ZNF592: variants seen among roughly 807,000 people sequenced by gnomAD.
ZNF592 encodes the protein spinocerebellar ataxia, autosomal recessive 5.
Under a neutral mutation model 80.3 loss-of-function variants are expected in ZNF592, and 11 were observed. That is an observed-to-expected ratio of 0.14 (90% confidence interval 0.09 to 0.23). The LOEUF (loss-of-function observed/expected upper bound fraction) is 0.23, where lower values mean the gene tolerates loss of function less well. ZNF592 is among the 10% of genes least tolerant of loss of function. The probability of loss-of-function intolerance (pLI) is 1.00; values close to 1 mark genes in which losing one functional copy is unlikely to be tolerated. For synonymous variants in ZNF592, 646 were observed against 640.3 expected, an observed-to-expected ratio of 1.01 and a Z score of -0.13; for missense variants, 1,420 against 1,633.9, an observed-to-expected ratio of 0.87 and a Z score of 2.26.
intron 2 of ZNF592, among the ~76,000 whole-genome samples, chr15:84,774,325 T>C (rs1337583698): frequency 6.6e-6 from 1 of 152,252 alleles, no homozygotes; most frequent in Non-Finnish European, 1.5e-5. Context: ...TTCATGAAAC[T>C]TACATCCTAA....
At chr15:84,751,264 G>A (rs1324002544) in intron 1 of ZNF592, among the ~76,000 whole-genome samples, 1 of 152,196 alleles carries the variant, frequency 6.6e-6, no homozygotes, top group Admixed American at 6.5e-5. Flanking sequence ...AGAAAAAGAG[G>A]TTATCATACC....
Position 84,798,332 on chromosome 15 carries a change from C to G in ZNF592, c.2594C>G (p.Ser865Cys). Residue 865 changes from serine to cysteine, a missense_variant, in exon 7 of 11, where the codon TCC (serine) becomes TGC (cysteine). By Grantham distance (112) the Ser-to-Cys change is moderately radical. Coordinates refer to ENST00000560079, the MANE Select transcript of ZNF592 (RefSeq NM_014630.3). The surrounding 1 kb of genome is among the most constrained non-coding windows in gnomAD (Gnocchi z 4.5). ...HRPSQLIYKC[S>C]CEMVFNKKRH... ...CTCATCAGGCTCATTTATAAGTGCT[C>G]CTGTGAAATGGTCTTCAACAAGAAG... 6.2e-7 allele frequency: 1 copy of G among 1,614,194 alleles called. No individual in the cohort carries two copies. The highest frequency in any genetic ancestry group is 8.5e-7 in the Non-Finnish European group (1 of 1,180,034).
chr15:84,768,230 C>CTTTTTTTTTTTTTTTTTTTTTTT (rs995969490), intron 2 of ZNF592, among the ~76,000 whole-genome samples: 1 of 122,340 alleles, frequency 8.2e-6, no homozygotes, highest in Non-Finnish European at 1.7e-5. Flanking sequence ...TTCTTTCTTT[C>CTTTTTTTTTTTTTTTTTTTTTTT]TTTTTTTTTT....
Position 84,798,612 on chromosome 15 carries a change from G to A in ZNF592, c.2761G>A (p.Val921Met). 1 of 1,614,094 alleles carries A rather than the reference G, an allele frequency of 6.2e-7. No individual in the cohort carries two copies. The highest frequency in any genetic ancestry group is 8.5e-7 in the Non-Finnish European group (1 of 1,180,008). ...GAGCACCCACGGTGTTCCCCGAAAT[G>A]TGGACGAGCTGTCAAGCCTCCAGTC... ...VKSTHGVPRN[V>M]DELSSLQSSA... The change falls in exon 8 of 11, where the codon GTG becomes ATG. Residue 921 changes from valine to methionine, a missense_variant. Around this residue, in one of 7 missense-constraint regions of ZNF592, gnomAD observed 331 missense variants for 347.0 expected, o/e 0.95. Coordinates refer to ENST00000560079, the MANE Select transcript of ZNF592 (RefSeq NM_014630.3). This position sits in a 1 kb window ranked among gnomAD's most constrained non-coding sequence, Gnocchi z 4.5.
intron 2 of ZNF592, among the ~76,000 whole-genome samples, chr15:84,767,867 G>GTTTCT (rs550879575): frequency 4.0e-5 from 6 of 150,580 alleles, no homozygotes; most frequent in African/African-American, 7.3e-5. Context: ...TTTTTTATTT[G>GTTTCT]TTTCTTTTCT....
At chr15:84,795,573 C>T (rs2038545027) in intron 5 of ZNF592, among the ~76,000 whole-genome samples, 2 of 152,204 alleles carry the variant, frequency 1.3e-5, no homozygotes, top group Admixed American at 1.3e-4. Flanking sequence ...CAAATAAAGC[C>T]ACTTAAGAGA....
chr15:84,801,785 C>A (rs1323927329), intron 10 of ZNF592, 78 bp from the exon 11 acceptor site: 1 of 1,610,316 alleles, frequency 6.2e-7, no homozygotes, highest in African/African-American at 1.3e-5. Flanking sequence ...TTCTTTGAGT[C>A]CTTGGGCTCA....
At chr15:84,780,777 T>C (rs942706511) in intron 3 of ZNF592, among the ~76,000 whole-genome samples, 8 of 151,760 alleles carry the variant, frequency 5.3e-5, no homozygotes, top group Non-Finnish European at 1.0e-4. Flanking sequence ...GGTTTTGTTG[T>C]TGTTGTTGTT....
rs1197950179 is a variant in ZNF592, at chr15:84,784,583, C to G, written c.1908C>G (p.Ala636=). The G allele has an allele frequency of 6.2e-7, 1 of 1,614,218 alleles. No homozygotes were observed. Among genetic ancestry groups the G allele is most frequent in the South Asian group, 1.1e-5 (1 of 91,084 alleles). ...FFNKCSLLRH[A]RDHKSKGLVM... ...ACAAGTGCAGCCTGCTCCGGCACGC[C>G]CGTGACCACAAGAGCAAGGGGCTCG... The change falls in exon 4 of 11, where the codon GCC becomes GCG. Residue 636 remains alanine (A), a synonymous_variant. Transcript: ENST00000560079. The surrounding 1 kb of genome is among the most constrained non-coding windows in gnomAD (Gnocchi z 5.8).
In ZNF592 at chr15:84,802,256, G is replaced by A. The variant is rs192454943; in HGVS notation, c.3667G>A (p.Gly1223Ser). The A allele has an allele frequency of 1.2e-4, 190 of 1,606,104 alleles. No individual in the cohort carries two copies. The East Asian group carries it at 3.6e-3, about 30-fold the overall frequency. ...AGAGAATGGACTGGAAGAATGTGCC[G>A]GTGAGCCTTTGTCAGCTGACCCAGA... ...TRENGLEECA[G>S]EPLSADPEAR... Residue 1223 changes from glycine (G) to serine (S), a missense_variant, in exon 11 of 11, where the codon GGT (glycine) becomes AGT (serine). Physicochemically the swap from Gly to Ser is moderately conservative, Grantham distance 56. Around this residue, in one of 7 missense-constraint regions of ZNF592, gnomAD observed 145 missense variants for 211.9 expected, o/e 0.68. Coordinates refer to ENST00000560079, the MANE Select transcript of ZNF592 (RefSeq NM_014630.3).
intron 1 of ZNF592, among the ~76,000 whole-genome samples, chr15:84,760,993 C>T (rs1236734814): frequency 6.6e-6 from 1 of 151,312 alleles, no homozygotes; most frequent in Admixed American, 6.6e-5. Context: ...GACAGAGTTT[C>T]CCTCTTGTTG....
intron 1 of ZNF592, among the ~76,000 whole-genome samples, chr15:84,755,700 A>G (rs907721945): frequency 6.6e-6 from 1 of 152,214 alleles, no homozygotes; most frequent in African/African-American, 2.4e-5. Context: ...CAAGCATCCT[A>G]TAAGCCGAAT....
At position 84,783,860 on chromosome 15, in the gene ZNF592, G is replaced by A. The variant is rs369555995; in HGVS notation, c.1185G>A (p.Leu395=). 1 of 1,614,108 alleles carries A rather than the reference G, an allele frequency of 6.2e-7. No individual in the cohort carries two copies. Among genetic ancestry groups the A allele is most frequent in the Non-Finnish European group, 8.5e-7 (1 of 1,180,048 alleles). ...GEIKRTVTRI[L]PDPDDPSKSP... ...TCAAACGGACTGTCACAAGGATCCT[G>A]CCAGATCCTGATGATCCAAGTAAGT... Residue 395 remains leucine, a synonymous_variant, in exon 4 of 11, where the codon CTG becomes CTA. Coordinates refer to ENST00000560079, the MANE Select transcript of ZNF592 (RefSeq NM_014630.3). This position sits in a 1 kb window ranked among gnomAD's most constrained non-coding sequence, Gnocchi z 5.0.
intron 1 of ZNF592, among the ~76,000 whole-genome samples, chr15:84,751,853 T>C (rs575108133): frequency 6.6e-6 from 1 of 152,246 alleles, no homozygotes; most frequent in East Asian, 1.9e-4. Flanking sequence ...TGCAGTGAGC[T>C]AAGATTGAGC....
At position 84,798,067 on chromosome 15, in the gene ZNF592, G is replaced by A. The variant is rs1196142740; in HGVS notation, c.2576+22G>A. 4.3e-6 allele frequency: 7 copies of A among 1,612,688 alleles called. No homozygotes were observed. The South Asian group carries it at 4.4e-5, about 10-fold the overall frequency. On this transcript the variant is annotated intron_variant, in intron 6 of 10. Transcript: ENST00000560079. The surrounding 1 kb of genome is among the most constrained non-coding windows in gnomAD (Gnocchi z 4.5). ...CCCAGTGAGTGCAGCTCCAGGGCCAGCAGGCCCTGTGGAGCAGAGAGGAGT... is the reference window on the plus strand; with the variant it reads ...CCCAGTGAGTGCAGCTCCAGGGCCAACAGGCCCTGTGGAGCAGAGAGGAGT...
chr15:84,773,114 T>A lies in ZNF592; in HGVS notation c.-149-5069T>A, dbSNP rs141241791. Among the ~76,000 whole-genome samples the A allele has an allele frequency of 4.3e-3, 662 of 152,244 alleles. 14 individuals carry two copies. Among genetic ancestry groups the A allele is most frequent in the African/African-American group, 0.014 (594 of 41,552 alleles). On this transcript the variant is annotated intron_variant, in intron 2 of 10. Transcript: ENST00000560079. The stretch of plus-strand genomic sequence containing the variant: ...TGTGAATGTTACTACATTTATATAT[T>A]TTTTTAAAGTGATAATTCAGGATAT...
intron 3 of ZNF592, 46 bp from the exon 4 acceptor site, chr15:84,782,611 G>A (rs1962449734): frequency 6.3e-6 from 10 of 1,584,518 alleles, no homozygotes; most frequent in Non-Finnish European, 8.7e-6. Flanking sequence ...AGATGGTCCA[G>A]TGGGACCCTG....
Position 84,783,768 on chromosome 15 carries a change from G to T in ZNF592, c.1093G>T (p.Ala365Ser). 6.2e-7 allele frequency: 1 copy of T among 1,614,188 alleles called. No homozygotes were observed. The highest frequency in any genetic ancestry group is 1.3e-5 in the African/African-American group (1 of 75,056). The change falls in exon 4 of 11, where the codon GCT becomes TCT. Residue 365 changes from alanine to serine, a missense_variant. Coordinates refer to ENST00000560079, the MANE Select transcript of ZNF592 (RefSeq NM_014630.3). This position sits in a 1 kb window ranked among gnomAD's most constrained non-coding sequence, Gnocchi z 5.0. ...CAGCAGCAAAGGCTCACCGTCTGTG[G>T]CTGCCAGCTCCCCACCAGCAATTCC... ...DSSSKGSPSV[A>S]ASSPPAIPKV...
Position 84,783,174 on chromosome 15 carries a change from A to G in ZNF592, c.499A>G (p.Ser167Gly). ...GFGIKPKHSD[S>G]YFPPPLGCGA... is the part of the protein sequence containing the mutation. ...TGGGATAAAGCCCAAACACTCTGAC[A>G]GTTATTTCCCACCCCCTCTTGGGTG... is the stretch of plus-strand genomic sequence containing the variant. The change falls in exon 4 of 11, where the codon AGT becomes GGT. Residue 167 changes from serine (S) to glycine (G), a missense_variant. This residue lies in a region of ZNF592 where 373 missense variants were observed against 355.5 expected (regional missense o/e 1.05). Transcript: ENST00000560079. The surrounding 1 kb of genome is among the most constrained non-coding windows in gnomAD (Gnocchi z 5.0). The G allele has an allele frequency of 7.4e-6, 12 of 1,614,190 alleles. No homozygotes were observed. The highest frequency in any genetic ancestry group is 1.0e-5 in the Non-Finnish European group (12 of 1,180,032).
Sources: gnomAD v4.1 joint callset for allele counts (sites outside exome capture counted in the v4.1 genomes callset) on GRCh38, gnomAD v4.1.1 for gene constraint, gnomAD v4.1.1 regional missense constraint, Gnocchi (gnomAD v3.1) non-coding constraint, MANE v1.5 for transcripts, NCBI Gene and HGNC (gene_info 2026-07-23, HGNC 2026-07-21) for gene names.